The following PCDHA7 variants were observed in gnomAD, a reference collection of about 807,000 sequenced individuals.
PCDHA7 encodes protocadherin alpha 7, also known as protocadherin alpha-7.
In PCDHA7, 37 loss-of-function variants were observed where a neutral mutation model predicts 57.2. The ratio of observed to expected loss-of-function variants is 0.65; its 90% confidence interval spans 0.50 to 0.85. PCDHA7 has a LOEUF of 0.85. Among genes scored for constraint, PCDHA7 ranks in the 40% least tolerant of loss-of-function variants. The pLI, the probability that PCDHA7 is intolerant of heterozygous loss-of-function variation, is 0.00. For missense variants in PCDHA7, 1,188 were observed against 1,241.8 expected, an observed-to-expected ratio of 0.96 and a Z score of 0.65; for synonymous variants, 553 against 558.8, an observed-to-expected ratio of 0.99 and a Z score of 0.15.
At chr5:140,955,312 C>T (rs1022804259) in intron 1 of PCDHA7, among the ~76,000 whole-genome samples, 2 of 152,100 alleles carry the variant, frequency 1.3e-5, no homozygotes, top group Admixed American at 6.6e-5. Flanking sequence ...ACCCAAATCT[C>T]ACCTTGAATT....
intron 3 of PCDHA7, chr5:140,988,853 A>G (rs1216953693): frequency 1.3e-5 from 2 of 152,208 alleles, no homozygotes; most frequent in Non-Finnish European, 2.9e-5. Flanking sequence ...AAACCTATCC[A>G]GTCTCATGTG....
chr5:140,883,712 G>A lies in PCDHA7; in HGVS notation c.2355+46974G>A, dbSNP rs372048294. On this transcript the variant is annotated intron_variant, in intron 1 of 3. Transcript: ENST00000525929. ...CATCTTCACGGTGTCTGCTCAGGAC[G>A]CGGACGCACAGGAGAACGCGCTGGT... 1.6e-5 allele frequency: 26 copies of A among 1,613,658 alleles called. No homozygotes were observed. The highest frequency in any genetic ancestry group is 2.2e-5 in the East Asian group (1 of 44,880).
chr5:140,840,040 A>T (rs1247550432), intron 1 of PCDHA7, among the ~76,000 whole-genome samples: 1 of 152,076 alleles, frequency 6.6e-6, no homozygotes, highest in Admixed American at 6.6e-5. Context: ...TATCTCCCAG[A>T]TGGAAGTCTA....
chr5:140,929,517 A>G, intron 1 of PCDHA7: 1 of 761,634 alleles, frequency 1.3e-6, no homozygotes, highest in Non-Finnish European at 1.9e-6. Context: ...CAAGGGACTT[A>G]TAGTTTATTT....
At chr5:140,843,515 T>TGCCGGGCGGGC in intron 1 of PCDHA7, 1 of 1,595,536 alleles carries the variant, frequency 6.3e-7, no homozygotes, top group Non-Finnish European at 8.6e-7. Context: ...TGAGGGCGGG[T>TGCCGGGCGGGC]GCCGGGCGGG....
At chr5:140,841,772 C>G (rs1359107093) in intron 1 of PCDHA7, 2 of 1,613,876 alleles carry the variant, frequency 1.2e-6, no homozygotes, top group Admixed American at 3.3e-5. Flanking sequence ...GCCAGACTCT[C>G]GGTTTCCGCT....
rs782392001 is a variant in PCDHA7 at position 140,857,340 on chromosome 5, C to G, written c.2355+20602C>G. 2.5e-6 allele frequency: 4 copies of G among 1,598,236 alleles called. No individual in the cohort carries two copies. The South Asian group carries it at 4.4e-5, about 18-fold the overall frequency. ...GTGGTGACCGCGCGGGACGGGGGCTCGCCTCCGCTGTGGGCCACGGCCAGC... is the reference window on the plus strand; with the variant it reads ...GTGGTGACCGCGCGGGACGGGGGCTGGCCTCCGCTGTGGGCCACGGCCAGC... On this transcript the variant is annotated intron_variant, in intron 1 of 3. Coordinates refer to ENST00000525929, the MANE Select transcript of PCDHA7 (RefSeq NM_018910.3).
rs1207145020 is a variant in PCDHA7, at chr5:140,966,511, A to G, written c.2356-12438A>G. On this transcript the variant is annotated intron_variant, in intron 1 of 3. Coordinates refer to ENST00000525929, the MANE Select transcript of PCDHA7 (RefSeq NM_018910.3). ...CCCCTGGAGCTGTAGCGGCAGCAGC[A>G]GCAGGAAGCCGAGCCGGGTTGAGCG... The G allele has an allele frequency of 7.1e-5, 31 of 433,774 alleles. No homozygotes were observed. In the East Asian group the frequency reaches 1.1e-3, roughly 15 times the overall value. 26.9% of individuals were successfully genotyped at this position (433,774 alleles called of 1,614,324 possible). A position where few individuals can be genotyped will look rare whatever the true frequency, so the allele number is the denominator to read the frequency against.
rs782025005 is a variant in PCDHA7 at position 140,982,513 on chromosome 5, G to C, written c.2453G>C (p.Gly818Ala). 83 of 1,614,076 alleles carry C rather than the reference G, an allele frequency of 5.1e-5. No homozygotes were observed. The highest frequency in any genetic ancestry group is 6.4e-5 in the Non-Finnish European group (75 of 1,180,040). ...GAGGAGGCTGGCATTCTACGGGCTG[G>C]TCCAGGAGGGCCTGATCAGCAGTGG... The part of the protein sequence containing the change: ...HLEEAGILRA[G>A]PGGPDQQWPT... The change falls in exon 3 of 4, where the codon GGT becomes GCT. Residue 818 changes from glycine (G) to alanine (A), a missense_variant. Transcript: ENST00000525929.
intron 1 of PCDHA7, chr5:140,853,431 T>A (rs115944296): frequency 0.015 from 15,010 of 985,262 alleles, 1,430 homozygotes; most frequent in Non-Finnish European, 0.017. Context: ...AGAGACACTT[T>A]CCTATTTTGC....
intron 1 of PCDHA7, among the ~76,000 whole-genome samples, chr5:140,943,562 T>G (rs246066): frequency 0.58 from 88,255 of 152,018 alleles, 26,572 homozygotes; most frequent in African/African-American, 0.75. Flanking sequence ...ACAATAATCA[T>G]TTTAATTTGT....
In PCDHA7 at chr5:140,836,083, C is replaced by T. The variant is rs2150252253; in HGVS notation, c.1700C>T (p.Ala567Val). 3 of 1,613,306 alleles carry T rather than the reference C, an allele frequency of 1.9e-6. No homozygotes were observed. The highest frequency in any genetic ancestry group is 2.7e-5 in the African/African-American group (2 of 74,652). Residue 567 changes from alanine to valine, a missense_variant, in exon 1 of 4, where the codon GCG becomes GTG. Around this residue, in one of 3 missense-constraint regions of PCDHA7, gnomAD observed 892 missense variants for 788.5 expected, o/e 1.13. Transcript: ENST00000525929. ...AACGACAACGCGCCGGCACTGCTGG[C>T]GCCTCGGGTGGGTGGCACTGGTGGC... The part of the protein sequence containing the change: ...DENDNAPALL[A>V]PRVGGTGGAV...
At chr5:141,001,522 C>G (rs1554258201) in intron 3 of PCDHA7, among the ~76,000 whole-genome samples, 1 of 152,214 alleles carries the variant, frequency 6.6e-6, no homozygotes, top group African/African-American at 2.4e-5. Context: ...TTCTCCCTCT[C>G]TCTCTGATCC....
Position 140,835,899 on chromosome 5 carries a change from A to G in PCDHA7, c.1516A>G (p.Ser506Gly), listed in dbSNP as rs1554135420. 1 of 1,612,086 alleles carries G rather than the reference A, an allele frequency of 6.2e-7. No homozygotes were observed. The highest frequency in any genetic ancestry group is 8.5e-7 in the Non-Finnish European group (1 of 1,179,634). ...GCGGGTGGGCGAGCGCGCGCTGTCG[A>G]GCTACGTGTCAGTGCACGCGGAGAG... ...ELRVGERALS[S>G]YVSVHAESGK... is the part of the protein sequence containing the mutation. The change falls in exon 1 of 4, where the codon AGC (serine) becomes GGC (glycine). Residue 506 changes from serine (S) to glycine (G), a missense_variant. Around this residue, in one of 3 missense-constraint regions of PCDHA7, gnomAD observed 892 missense variants for 788.5 expected, o/e 1.13. Transcript: ENST00000525929.
chr5:140,969,148 G>T, intron 1 of PCDHA7: 1 of 1,614,102 alleles, frequency 6.2e-7, no homozygotes. Flanking sequence ...ACTGCTACAA[G>T]GCCTGTCTGA....
chr5:140,984,359 T>A (rs1372089743), intron 3 of PCDHA7, among the ~76,000 whole-genome samples: 1 of 152,242 alleles, frequency 6.6e-6, no homozygotes, highest in Non-Finnish European at 1.5e-5. Flanking sequence ...ATTTCATACA[T>A]CTGGCCAAGT....
chr5:141,007,277 C>T (rs2098312243), intron 3 of PCDHA7, among the ~76,000 whole-genome samples: 1 of 151,304 alleles, frequency 6.6e-6, no homozygotes, highest in Non-Finnish European at 1.5e-5. Context: ...AGGCTGGGTG[C>T]AGTGGGCTCA....
Position 140,941,114 on chromosome 5 carries a change from T to G in PCDHA7, c.2356-37835T>G, listed in dbSNP as rs193134067. ...TTTCACATACTATTACTGGAAAGAT[T>G]AGTCCTTTGAAGTTCCAGCTTAATG... On this transcript the variant is annotated intron_variant, in intron 1 of 3. Coordinates refer to ENST00000525929, the MANE Select transcript of PCDHA7 (RefSeq NM_018910.3). Among the ~76,000 whole-genome samples, 307 of 152,230 alleles carry G rather than the reference T, an allele frequency of 2.0e-3. 3 individuals carry two copies. Among genetic ancestry groups the G allele is most frequent in the African/African-American group, 7.2e-3 (299 of 41,546 alleles).
At chr5:140,877,627 A>C (rs782765998) in intron 1 of PCDHA7, 1 of 1,613,614 alleles carries the variant, frequency 6.2e-7, no homozygotes, top group East Asian at 2.2e-5. Context: ...GCTGCTGTAC[A>C]CTGCGCTGCG....
Sources: gnomAD v4.1 joint callset for allele counts (sites outside exome capture counted in the v4.1 genomes callset) on GRCh38, gnomAD v4.1.1 for gene constraint, gnomAD v4.1.1 regional missense constraint, MANE v1.5 for transcripts, NCBI Gene and HGNC (gene_info 2026-07-23, HGNC 2026-07-21) for gene names.